The following SGIP1 variants were observed in gnomAD, a reference collection of about 807,000 sequenced individuals.
SGIP1 encodes the protein SH3GL interacting endocytic adaptor 1, also known as SH3-containing GRB2-like protein 3-interacting protein 1.
Under a neutral mutation model 107.5 loss-of-function variants are expected in SGIP1, and 38 were observed. The observed-to-expected ratio is 0.35, with a 90% CI of 0.27 to 0.46. The LOEUF (loss-of-function observed/expected upper bound fraction) is 0.46, where lower values mean the gene tolerates loss of function less well. Ranked by LOEUF, SGIP1 falls within the 20% of genes least tolerant of loss-of-function variation. The pLI, the probability that SGIP1 is intolerant of heterozygous loss-of-function variation, is 1.00. For missense variants in SGIP1, 929 were observed against 1,019.5 expected, an observed-to-expected ratio of 0.91 and a Z score of 1.21; for synonymous variants, 365 against 366.1, an observed-to-expected ratio of 1.00 and a Z score of 0.03.
intron 1 of SGIP1, among the ~76,000 whole-genome samples, chr1:66,547,664 C>T (rs1391716616): frequency 6.6e-6 from 1 of 152,134 alleles, no homozygotes; most frequent in African/African-American, 2.4e-5. Context: ...GTGTGAGACA[C>T]AGGCGAGCAA....
intron 20 of SGIP1, among the ~76,000 whole-genome samples, chr1:66,731,227 G>C (rs2093995454): frequency 6.6e-6 from 1 of 152,136 alleles, no homozygotes. Context: ...TCGAATTCTT[G>C]CTTCAGTTTC....
At chr1:66,642,904 T>C in intron 6 of SGIP1, 40 bp downstream of exon 6, 3 of 1,518,686 alleles carry the variant, frequency 2.0e-6, no homozygotes, top group East Asian at 2.3e-5. Flanking sequence ...TTTCATTCAC[T>C]CTCAGAAAAC....
rs2094594529 is a variant in SGIP1 at position 66,749,373 on chromosome 1, C to T, written c.*6278C>T. ...TATATTAAAAACACTTTGGGGAAAG[C>T]TAAGAGCAGTGCACTGTTTAGCACA... On this transcript the variant is annotated 3_prime_UTR_variant, in exon 25 of 25. Coordinates refer to ENST00000371037, the MANE Select transcript of SGIP1 (RefSeq NM_032291.4). Among the ~76,000 whole-genome samples, 1 of 151,440 alleles carries T rather than the reference C, an allele frequency of 6.6e-6. No homozygotes were observed. Among genetic ancestry groups the T allele is most frequent in the Admixed American group, 6.6e-5 (1 of 15,210 alleles).
intron 1 of SGIP1, among the ~76,000 whole-genome samples, chr1:66,615,527 G>T (rs1179083907): frequency 6.6e-6 from 1 of 152,112 alleles, no homozygotes; most frequent in African/African-American, 2.4e-5. Flanking sequence ...CAAAGGACTG[G>T]CCCCCTATTC....
chr1:66,742,962 T>G, intron 24 of SGIP1, 111 bp from the exon 25 acceptor site: 1 of 1,020,178 alleles, frequency 9.8e-7, no homozygotes, highest in South Asian at 1.4e-5. Context: ...CTCTGAAGTA[T>G]GCAGTATCTG....
intron 7 of SGIP1, among the ~76,000 whole-genome samples, chr1:66,646,736 C>G (rs892599201): frequency 6.6e-6 from 1 of 152,068 alleles, no homozygotes; most frequent in African/African-American, 2.4e-5. Flanking sequence ...GTGTCAGAAG[C>G]AAGACAAATC....
At chr1:66,579,879 C>T (rs1010879849) in intron 1 of SGIP1, among the ~76,000 whole-genome samples, 1 of 152,108 alleles carries the variant, frequency 6.6e-6, no homozygotes, top group African/African-American at 2.4e-5. Context: ...TCTAACCAAA[C>T]TTTTTTTATT....
At chr1:66,630,976 AAG>A (rs200317897) in intron 2 of SGIP1, among the ~76,000 whole-genome samples, 8,423 of 124,588 alleles carry the variant, frequency 0.068, 1,294 homozygotes, top group Non-Finnish European at 0.12. Context: ...AAAGAGAGGA[AAG>A]AGAGGAAGAA....
chr1:66,646,608 C>T (rs566422312), intron 7 of SGIP1, among the ~76,000 whole-genome samples: 6 of 152,000 alleles, frequency 3.9e-5, no homozygotes, highest in East Asian at 3.9e-4. Flanking sequence ...TGAATAGTTT[C>T]GCTATATATA....
chr1:66,732,251 G>C (rs2094046472), intron 20 of SGIP1, among the ~76,000 whole-genome samples: 1 of 152,122 alleles, frequency 6.6e-6, no homozygotes, highest in African/African-American at 2.4e-5. Flanking sequence ...ATATGGGCTG[G>C]AATCTGGCTG....
At chr1:66,738,990 C>A (rs576966527) in intron 21 of SGIP1, among the ~76,000 whole-genome samples, 37 of 152,208 alleles carry the variant, frequency 2.4e-4, no homozygotes, top group African/African-American at 8.9e-4. Context: ...GAGCTAGGGA[C>A]TTGTCCAAGA....
At chr1:66,594,908 G>A (rs1254337015) in intron 1 of SGIP1, among the ~76,000 whole-genome samples, 3 of 152,042 alleles carry the variant, frequency 2.0e-5, no homozygotes, top group Admixed American at 6.6e-5. Flanking sequence ...CAAATATTAG[G>A]AGAAGAAAAT....
intron 7 of SGIP1, among the ~76,000 whole-genome samples, chr1:66,644,777 G>A (rs573317155): frequency 2.3e-4 from 35 of 152,186 alleles, no homozygotes; most frequent in South Asian, 2.3e-3. Flanking sequence ...ACTACTGTTG[G>A]TAACAACCAA....
chr1:66,709,808 T>C (rs1410807627), intron 18 of SGIP1, among the ~76,000 whole-genome samples: 1 of 152,148 alleles, frequency 6.6e-6, no homozygotes, highest in Non-Finnish European at 1.5e-5. Flanking sequence ...GGAATGCATG[T>C]GGAACACTTA....
intron 3 of SGIP1, 72 bp downstream of exon 3, chr1:66,633,166 C>CT (rs978610178): frequency 6.7e-4 from 684 of 1,018,916 alleles, no homozygotes; most frequent in Non-Finnish European, 7.5e-4. Context: ...TCTCAAAGCC[C>CT]TTTTTTTTTC....
chr1:66,617,292 T>A (rs994386459), intron 1 of SGIP1, among the ~76,000 whole-genome samples: 4 of 151,720 alleles, frequency 2.6e-5, no homozygotes, highest in African/African-American at 9.7e-5. Flanking sequence ...GGCAGTAGTC[T>A]ATCCACGGGA....
At position 66,733,257 on chromosome 1, in the gene SGIP1, A is replaced by G. The variant is rs189845502; in HGVS notation, c.1899-491A>G. ...GAAAAGGCAGCATGGTAATTTTAGT[A>G]TCACTCTTTTCTGCTTAGTTGGTGA... On this transcript the variant is annotated intron_variant, in intron 20 of 24. Coordinates refer to ENST00000371037, the MANE Select transcript of SGIP1 (RefSeq NM_032291.4). Among the ~76,000 whole-genome samples the G allele has an allele frequency of 2.2e-4, 33 of 152,342 alleles. No individual in the cohort carries two copies. The East Asian group carries it at 6.0e-3, about 28-fold the overall frequency.
chr1:66,740,594 ACATGG>A, intron 22 of SGIP1, 59 bp from the exon 23 acceptor site: 1 of 1,012,484 alleles, frequency 9.9e-7, no homozygotes, highest in South Asian at 1.4e-5. Flanking sequence ...TGGAAAAAAA[ACATGG>A]CATCCAGTAA....
At chr1:66,601,009 TCTC>T (rs1055047006) in intron 1 of SGIP1, among the ~76,000 whole-genome samples, 60 of 152,240 alleles carry the variant, frequency 3.9e-4, no homozygotes, top group Admixed American at 2.8e-3. Flanking sequence ...CTAAACGACT[TCTC>T]CACATGAACA....
Sources: allele counts gnomAD v4.1 joint callset (sites outside exome capture counted in the v4.1 genomes callset), GRCh38; gene constraint gnomAD v4.1.1; transcripts MANE v1.5; gene names NCBI Gene and HGNC (gene_info 2026-07-23, HGNC 2026-07-21).